The following SHANK2 variants were observed in gnomAD, a reference collection of about 807,000 sequenced individuals.
SHANK2 encodes the protein SH3 and multiple ankyrin repeat domains 2.
Under a neutral mutation model 133.7 loss-of-function variants are expected in SHANK2, and 43 were observed. The ratio of observed to expected loss-of-function variants is 0.32; its 90% CI spans 0.25 to 0.41. The LOEUF (loss-of-function observed/expected upper bound fraction) is 0.41, where lower values mean the gene tolerates loss of function less well. SHANK2 is among the 10% of genes least tolerant of loss of function. The probability of loss-of-function intolerance (pLI) is 1.00; values close to 1 mark genes in which losing one functional copy is unlikely to be tolerated. For missense variants in SHANK2, 1,994 were observed against 2,235.8 expected (o/e 0.89, Z 2.18); for synonymous variants, 1,017 against 952.8 (o/e 1.07, Z -1.24).
rs538612752 is a variant in SHANK2, at chr11:70,500,735, C to A, written c.2288-145G>T. On this transcript the variant is annotated intron_variant, in intron 20 of 25. Transcript: ENST00000601538. This position sits in a 1 kb window ranked among gnomAD's most constrained non-coding sequence, Gnocchi z 4.5. Reference sequence around the variant, plus strand: ...CAGGCAGGGGCTGTCTGGAACGCTGCGAACGCAGGCTGCGCTATCCATGGA... The same window carrying A: ...CAGGCAGGGGCTGTCTGGAACGCTGAGAACGCAGGCTGCGCTATCCATGGA... The A allele has an allele frequency of 7.5e-6, 8 of 1,062,400 alleles. No homozygotes were observed. Among genetic ancestry groups the A allele is most frequent in the Non-Finnish European group, 7.1e-6 (5 of 700,292 alleles). The allele number at this position is 1,062,400 out of a possible 1,614,324, so 65.8% of individuals were successfully genotyped here. A position where few individuals can be genotyped will look rare whatever the true frequency, so the allele number is the denominator to read the frequency against.
intron 15 of SHANK2, among the ~76,000 whole-genome samples, chr11:70,682,188 C>T (rs1268301202): frequency 1.3e-5 from 2 of 152,180 alleles, no homozygotes; most frequent in Non-Finnish European, 2.9e-5. Flanking sequence ...GCTGCTACTG[C>T]CACTGTCTGA....
chr11:71,155,484 A>G (rs1952890744), intron 2 of SHANK2, among the ~76,000 whole-genome samples: 1 of 151,270 alleles, frequency 6.6e-6, no homozygotes, highest in African/African-American at 2.4e-5. Flanking sequence ...CTCCCAGAGG[A>G]GGGATGGACC....
At chr11:70,501,152 G>A (rs1349906109) in intron 20 of SHANK2, among the ~76,000 whole-genome samples, 2 of 152,224 alleles carry the variant, frequency 1.3e-5, no homozygotes, top group Non-Finnish European at 2.9e-5. Flanking sequence ...GGTTCTGGGT[G>A]GGTGGGGCAG....
chr11:70,616,153 T>C (rs2060738707), intron 17 of SHANK2, among the ~76,000 whole-genome samples: 1 of 152,192 alleles, frequency 6.6e-6, no homozygotes, highest in Admixed American at 6.5e-5. Context: ...ATTGCCATTC[T>C]TGTAGGTTGA....
At chr11:70,829,285 C>T (rs746132157) in intron 11 of SHANK2, among the ~76,000 whole-genome samples, 3 of 152,190 alleles carry the variant, frequency 2.0e-5, no homozygotes, top group Non-Finnish European at 4.4e-5. Flanking sequence ...ACGGGAGCCA[C>T]GCAGCAGCAC....
intron 14 of SHANK2, among the ~76,000 whole-genome samples, chr11:70,788,952 G>A (rs1293705636): frequency 6.6e-6 from 1 of 152,198 alleles, no homozygotes; most frequent in Non-Finnish European, 1.5e-5. Context: ...ATCCGAGAAT[G>A]TTATGCCCAT....
intron 10 of SHANK2, among the ~76,000 whole-genome samples, chr11:70,902,644 T>C (rs1308511283): frequency 1.3e-5 from 2 of 151,810 alleles, no homozygotes; most frequent in African/African-American, 2.4e-5. Context: ...TTTTGTGTGA[T>C]GAGGGCACCA....
chr11:71,200,831 T>TACACACACACACACAC (rs56749664), intron 2 of SHANK2, among the ~76,000 whole-genome samples: 1 of 144,932 alleles, frequency 6.9e-6, no homozygotes, highest in African/African-American at 2.6e-5. Context: ...TCTCAATTAA[T>TACACACACACACACAC]ACACACACAC....
chr11:70,910,932 G>C (rs894750607), intron 10 of SHANK2: 1 of 455,172 alleles, frequency 2.2e-6, no homozygotes, highest in African/African-American at 2.0e-5. Flanking sequence ...ATGTGCACAT[G>C]CTGGGGGCAC....
At chr11:70,556,381 CTCTT>C (rs201730104) in intron 17 of SHANK2, among the ~76,000 whole-genome samples, 1,046 of 95,210 alleles carry the variant, frequency 0.011, 8 homozygotes, top group South Asian at 0.016. Flanking sequence ...TTCTCTCTGT[CTCTT>C]TCTTTCTTTC....
intron 9 of SHANK2, among the ~76,000 whole-genome samples, chr11:71,059,872 C>A (rs1950967181): frequency 6.6e-6 from 1 of 152,202 alleles, no homozygotes; most frequent in Non-Finnish European, 1.5e-5. Flanking sequence ...TGGGGGTGCA[C>A]TCTGCCTCAA....
intron 15 of SHANK2, among the ~76,000 whole-genome samples, chr11:70,665,138 G>T (rs557192392): frequency 3.7e-4 from 56 of 152,242 alleles, no homozygotes; most frequent in Non-Finnish European, 6.6e-4. Flanking sequence ...ATGCACCCAA[G>T]AACTTAGTTT....
At chr11:70,948,164 TC>T in intron 10 of SHANK2, 1 of 407,716 alleles carries the variant, frequency 2.5e-6, no homozygotes, top group South Asian at 1.7e-5. Flanking sequence ...GAAGCCGCCC[TC>T]GGCTCCCAGC....
At chr11:70,586,717 ATC>A (rs1365308779) in intron 17 of SHANK2, among the ~76,000 whole-genome samples, 1 of 152,158 alleles carries the variant, frequency 6.6e-6, no homozygotes, top group Non-Finnish European at 1.5e-5. Context: ...CTTGACCCTT[ATC>A]CTAGGGGAAT....
chr11:71,170,773 G>T (rs1244963279), intron 2 of SHANK2, among the ~76,000 whole-genome samples: 1 of 152,218 alleles, frequency 6.6e-6, no homozygotes, highest in Non-Finnish European at 1.5e-5. Context: ...ACGCTCCCAG[G>T]TGCCAGGAGG....
At chr11:70,561,071 A>G (rs1554980774) in intron 17 of SHANK2, among the ~76,000 whole-genome samples, 1 of 152,250 alleles carries the variant, frequency 6.6e-6, no homozygotes, top group Non-Finnish European at 1.5e-5. Flanking sequence ...TCAACAGAGT[A>G]GGAATCTGCA....
intron 15 of SHANK2, among the ~76,000 whole-genome samples, chr11:70,666,093 C>A (rs568214094): frequency 6.6e-6 from 1 of 152,008 alleles, no homozygotes; most frequent in African/African-American, 2.4e-5. Flanking sequence ...GGGAGGTGGG[C>A]GAAGGATGAC....
In SHANK2 at chr11:70,577,706, G is replaced by A. The variant is rs145154510; in HGVS notation, c.2062-74775C>T. Among the ~76,000 whole-genome samples, 283 of 150,924 alleles carry A rather than the reference G, an allele frequency of 1.9e-3. 2 individuals carry two copies. In the East Asian group the frequency reaches 0.05, roughly 27 times the overall value. ...CACTGGACTCGTGGCTCCCTGCCCT[G>A]GCTGCACTGTACCCCACAGCCAGGT... On this transcript the variant is annotated intron_variant, in intron 17 of 25. Transcript: ENST00000601538.
chr11:70,614,093 C>T lies in SHANK2; in HGVS notation c.2061+45735G>A, dbSNP rs937524722. Among the ~76,000 whole-genome samples the T allele has an allele frequency of 1.7e-4, 26 of 152,066 alleles. 1 individual carries two copies. The highest frequency in any genetic ancestry group is 5.1e-4 in the African/African-American group (21 of 41,412). On this transcript the variant is annotated intron_variant, in intron 17 of 25. Transcript: ENST00000601538. ...AGAGGGGAATTTGGACACAGACACA[C>T]AGGGAGCCCACCATGTGACAATAAA...
Sources: allele counts gnomAD v4.1 joint callset (sites outside exome capture counted in the v4.1 genomes callset), GRCh38; gene constraint gnomAD v4.1.1; non-coding constraint Gnocchi (gnomAD v3.1); transcripts MANE v1.5; gene names NCBI Gene and HGNC (gene_info 2026-07-23, HGNC 2026-07-21).